AFF3: variants seen among roughly 807,000 people sequenced by gnomAD.
The protein encoded by AFF3 is ALF transcription elongation factor 3.
A neutral mutation model predicts 129.7 loss-of-function variants in AFF3; 32 were observed. That is an observed-to-expected ratio of 0.25 (90% CI 0.19 to 0.33). AFF3 has a LOEUF of 0.33. Among genes scored for constraint, AFF3 ranks in the 10% least tolerant of loss-of-function variants. AFF3 has a pLI of 1.00. For missense variants in AFF3, 1,373 were observed against 1,592.0 expected, an observed-to-expected ratio of 0.86 and a Z score of 2.34; for synonymous variants, 644 against 635.4, an observed-to-expected ratio of 1.01 and a Z score of -0.20.
intron 7 of AFF3, among the ~76,000 whole-genome samples, chr2:99,883,293 AC>A (rs35671175): frequency 6.6e-6 from 1 of 152,122 alleles, no homozygotes; most frequent in Non-Finnish European, 1.5e-5. Context: ...GAAATAAGCT[AC>A]CCCCTAAAGG....
chr2:100,130,472 G>C (rs1250830014), intron 1 of AFF3, among the ~76,000 whole-genome samples: 1 of 152,202 alleles, frequency 6.6e-6, no homozygotes, highest in South Asian at 2.1e-4. Flanking sequence ...TTAGAAAACA[G>C]ATTTCCCTTT....
At chr2:99,656,607 G>T (rs1220027596) in intron 12 of AFF3, among the ~76,000 whole-genome samples, 1 of 152,100 alleles carries the variant, frequency 6.6e-6, no homozygotes, top group Non-Finnish European at 1.5e-5. Flanking sequence ...TTATTTCACG[G>T]TTTAATTTCC....
At chr2:99,831,595 AAC>A (rs550393126) in intron 8 of AFF3, among the ~76,000 whole-genome samples, 219 of 100,724 alleles carry the variant, frequency 2.2e-3, no homozygotes, top group African/African-American at 5.8e-3. Flanking sequence ...ACAATTAAAA[AAC>A]ACTGCAATCG....
intron 7 of AFF3, among the ~76,000 whole-genome samples, chr2:99,908,946 A>G (rs2106185590): frequency 6.6e-6 from 1 of 152,332 alleles, no homozygotes. Context: ...AACTAGATCT[A>G]GAACTAGGAA....
chr2:99,617,126 T>C (rs1014215649), intron 13 of AFF3, among the ~76,000 whole-genome samples: 32 of 152,264 alleles, frequency 2.1e-4, no homozygotes, highest in Non-Finnish European at 4.7e-4. Flanking sequence ...CATTCATGTC[T>C]AAGTTTTGTG....
At chr2:99,723,542 C>G (rs1679094451) in intron 11 of AFF3, among the ~76,000 whole-genome samples, 1 of 152,152 alleles carries the variant, frequency 6.6e-6, no homozygotes, top group South Asian at 2.1e-4. Flanking sequence ...CTTGCTAGCC[C>G]TGTTTTCTTC....
At chr2:100,131,918 AC>A (rs1692442980) in intron 1 of AFF3, among the ~76,000 whole-genome samples, 1 of 152,092 alleles carries the variant, frequency 6.6e-6, no homozygotes, top group South Asian at 2.1e-4. Flanking sequence ...TAACTGGCTC[AC>A]CCTCACTCAG....
At chr2:99,810,208 C>T (rs947314590) in intron 8 of AFF3, among the ~76,000 whole-genome samples, 13 of 152,166 alleles carry the variant, frequency 8.5e-5, no homozygotes, top group African/African-American at 2.7e-4. Flanking sequence ...AGATGGATAA[C>T]GTGAAGTGGA....
At chr2:99,746,191 G>T (rs4851227) in intron 9 of AFF3, among the ~76,000 whole-genome samples, 1 of 149,906 alleles carries the variant, frequency 6.7e-6, no homozygotes, top group Non-Finnish European at 1.5e-5. Flanking sequence ...AAAAAAAAAA[G>T]GTAGCAGGAC....
At chr2:99,598,821 C>T (rs1558626416) in intron 14 of AFF3, among the ~76,000 whole-genome samples, 1 of 152,252 alleles carries the variant, frequency 6.6e-6, no homozygotes, top group African/African-American at 2.4e-5. Context: ...CTGTGGAGGA[C>T]ACACAGGGTG....
intron 8 of AFF3, among the ~76,000 whole-genome samples, chr2:99,805,220 C>T (rs1433870828): frequency 6.6e-6 from 1 of 152,118 alleles, no homozygotes; most frequent in Admixed American, 6.5e-5. Context: ...CAATCCCATG[C>T]TTGGTTTCAA....
chr2:99,705,403 A>C (rs1270597037), intron 11 of AFF3, among the ~76,000 whole-genome samples: 1 of 152,150 alleles, frequency 6.6e-6, no homozygotes, highest in African/African-American at 2.4e-5. Flanking sequence ...GGGGAGAGAA[A>C]GAATGAGGTC....
chr2:99,674,943 C>CTAAAT (rs1687478583), intron 11 of AFF3, among the ~76,000 whole-genome samples: 1 of 152,188 alleles, frequency 6.6e-6, no homozygotes, highest in African/African-American at 2.4e-5. Context: ...CAAACATGTG[C>CTAAAT]TAAACGCGTC....
chr2:99,823,264 C>T (rs1022375907), intron 8 of AFF3, among the ~76,000 whole-genome samples: 1 of 151,960 alleles, frequency 6.6e-6, no homozygotes, highest in African/African-American at 2.4e-5. Context: ...CCCAACCCCC[C>T]GCCCGCCCCA....
intron 8 of AFF3, among the ~76,000 whole-genome samples, chr2:99,785,771 A>G (rs1175761455): frequency 6.6e-6 from 1 of 152,168 alleles, no homozygotes; most frequent in African/African-American, 2.4e-5. Context: ...ATTTTTAGAC[A>G]GAGTCACGCC....
At chr2:99,690,891 G>A (rs1675593465) in intron 11 of AFF3, among the ~76,000 whole-genome samples, 1 of 151,946 alleles carries the variant, frequency 6.6e-6, no homozygotes, top group Admixed American at 6.6e-5. Context: ...AAGCAGAGAG[G>A]TCAGGAGAAA....
At chr2:100,117,775 A>G (rs934818116) in intron 2 of AFF3, among the ~76,000 whole-genome samples, 2 of 152,222 alleles carry the variant, frequency 1.3e-5, no homozygotes, top group African/African-American at 4.8e-5. Flanking sequence ...CAATTCTGCC[A>G]AGTACTTGGG....
At chr2:99,869,046 C>T (rs1228936221) in intron 7 of AFF3, among the ~76,000 whole-genome samples, 1 of 152,106 alleles carries the variant, frequency 6.6e-6, no homozygotes, top group African/African-American at 2.4e-5. Flanking sequence ...CTGCCTCTGC[C>T]TCTGCCTCCC....
intron 12 of AFF3, among the ~76,000 whole-genome samples, chr2:99,662,574 A>C (rs778528493): frequency 2.0e-5 from 3 of 152,222 alleles, no homozygotes; most frequent in Admixed American, 2.0e-4. Flanking sequence ...TAATTCATTA[A>C]GACCAACAAG....
Sources: allele counts gnomAD v4.1 joint callset (sites outside exome capture counted in the v4.1 genomes callset), GRCh38; gene constraint gnomAD v4.1.1; transcripts MANE v1.5; gene names NCBI Gene and HGNC (gene_info 2026-07-23, HGNC 2026-07-21).